The following NCAPG2 variants were observed in gnomAD, a reference collection of about 807,000 sequenced individuals.
NCAPG2 encodes condensin-2 complex subunit G2.
A neutral mutation model predicts 141.1 loss-of-function variants in NCAPG2; 53 were observed. The observed-to-expected ratio is 0.38, with a 90% confidence interval of 0.30 to 0.47. NCAPG2 has a LOEUF of 0.47. Ranked by LOEUF, NCAPG2 falls within the 20% of genes least tolerant of loss-of-function variation. The pLI is 0.99. For missense variants in NCAPG2, 1,087 were observed against 1,389.0 expected, an observed-to-expected ratio of 0.78 and a Z score of 3.46; for synonymous variants, 499 against 490.7, an observed-to-expected ratio of 1.02 and a Z score of -0.22.
At chr7:158,687,315 C>T in intron 7 of NCAPG2, 33 bp downstream of exon 7, 2 of 1,478,106 alleles carry the variant, frequency 1.4e-6, no homozygotes, top group Non-Finnish European at 1.9e-6. Flanking sequence ...CAGATTAAGA[C>T]AGCACAAAAT....
chr7:158,656,667 C>T lies in NCAPG2; in HGVS notation c.2099G>A (p.Gly700Asp), dbSNP rs1832001340. 6.2e-7 allele frequency: 1 copy of T among 1,614,094 alleles called. No homozygotes were observed. Among genetic ancestry groups the T allele is most frequent in the Non-Finnish European group, 8.5e-7 (1 of 1,180,036 alleles). The change falls in exon 18 of 28, where the codon GGC becomes GAC. Residue 700 changes from glycine to aspartate, a missense_variant. Transcript: ENST00000356309. ...AGTGCAGTAGCTCTTGTCCACAGCGCCCTCCTCCCGGCTTCTCAGCGTGGA... is the reference window on the plus strand; with the variant it reads ...AGTGCAGTAGCTCTTGTCCACAGCGTCCTCCTCCCGGCTTCTCAGCGTGGA... Reference protein sequence around the residue: ...VISTLRSREEGAVDKSYCTLL... With the variant: ...VISTLRSREEDAVDKSYCTLL...
At chr7:158,679,808 C>A (rs1834333120) in intron 11 of NCAPG2, 152 bp downstream of exon 11, 2 of 984,846 alleles carry the variant, frequency 2.0e-6, no homozygotes, top group Non-Finnish European at 2.9e-6. Context: ...GAAGTGGCAT[C>A]TCTCTGAAGA....
chr7:158,696,625 T>A (rs966061387), intron 2 of NCAPG2: 1 of 152,368 alleles, frequency 6.6e-6, no homozygotes, highest in South Asian at 2.1e-4. Flanking sequence ...AACCTGGACG[T>A]AGGGTATTCA....
At chr7:158,651,039 A>T in intron 23 of NCAPG2, 67 bp from the exon 24 acceptor site, 1 of 1,456,430 alleles carries the variant, frequency 6.9e-7, no homozygotes, top group South Asian at 1.4e-5. Context: ...ACAAAAAAAC[A>T]CTTTAAAATA....
chr7:158,684,952 G>C (rs942489900), intron 8 of NCAPG2, among the ~76,000 whole-genome samples: 35 of 152,184 alleles, frequency 2.3e-4, no homozygotes, highest in African/African-American at 8.4e-4. Context: ...CCCAGACATG[G>C]GGCAGCCTCT....
At chr7:158,670,553 C>T (rs1833621415) in intron 13 of NCAPG2, among the ~76,000 whole-genome samples, 3 of 152,074 alleles carry the variant, frequency 2.0e-5, no homozygotes, top group South Asian at 4.1e-4. Flanking sequence ...CCCTGTCTCC[C>T]CCTCACCTCA....
At chr7:158,653,038 G>A (rs901496794) in intron 22 of NCAPG2, among the ~76,000 whole-genome samples, 1 of 152,176 alleles carries the variant, frequency 6.6e-6, no homozygotes, top group African/African-American at 2.4e-5. Flanking sequence ...TTAAGCTTAA[G>A]TATAAAATGC....
In NCAPG2 at chr7:158,675,642, A is replaced by G. The variant is rs780027426; in HGVS notation, c.1161T>C (p.Asp387=). 6.2e-7 allele frequency: 1 copy of G among 1,610,678 alleles called. No homozygotes were observed. Among genetic ancestry groups the G allele is most frequent in the Admixed American group, 1.7e-5 (1 of 58,810 alleles). The change falls in exon 12 of 28, where the codon GAT becomes GAC. Residue 387 remains aspartate, a synonymous_variant. Coordinates refer to ENST00000356309, the MANE Select transcript of NCAPG2 (RefSeq NM_017760.7). The stretch of plus-strand genomic sequence containing the variant: ...CTGTGGAACGGACCATCGGGTAAGG[A>G]TCTTCTAAAAGGCTCTATAAGTAGG... ...QFEELYSLLE[D]PYPMVRSTGI...
At chr7:158,694,795 G>A (rs530372733) in intron 2 of NCAPG2, among the ~76,000 whole-genome samples, 23 of 151,706 alleles carry the variant, frequency 1.5e-4, no homozygotes, top group African/African-American at 1.5e-4. Flanking sequence ...TCTTCTTAGC[G>A]CTCCTTCATT....
rs566324275 is a variant in NCAPG2 at position 158,677,977 on chromosome 7, AT to A, written c.1146+1982del. Among the ~76,000 whole-genome samples, 372 of 149,556 alleles carry A rather than the reference AT, an allele frequency of 2.5e-3. 3 individuals carry two copies. Among genetic ancestry groups the A allele is most frequent in the African/African-American group, 8.7e-3 (354 of 40,792 alleles). ...AGGCATGCACCACAGTGCCCAGCTGATTTTTTTTTTAATTGGTATAGATGGG... is the reference window on the plus strand; with the variant it reads ...AGGCATGCACCACAGTGCCCAGCTGATTTTTTTTTAATTGGTATAGATGGG... On this transcript the variant is annotated intron_variant, in intron 11 of 27. Coordinates refer to ENST00000356309, the MANE Select transcript of NCAPG2 (RefSeq NM_017760.7).
chr7:158,671,417 A>T, intron 13 of NCAPG2, 97 bp downstream of exon 13: 1 of 1,407,806 alleles, frequency 7.1e-7, no homozygotes, highest in Non-Finnish European at 1.0e-6. Context: ...CATATCAGTT[A>T]TCAGTTTAAA....
Position 158,633,432 on chromosome 7 carries a change from CCT to C in NCAPG2, c.3381-1717_3381-1716del, listed in dbSNP as rs1830008294. The stretch of plus-strand genomic sequence containing the variant: ...ATCACTCTGGAAGCGCCTGGGCCAC[CCT>C]CTGTGTGGTTATTTCTGCCTGTGTT... On this transcript the variant is annotated intron_variant, in intron 27 of 27. Transcript: ENST00000356309. The surrounding 1 kb of genome is among the most constrained non-coding windows in gnomAD (Gnocchi z 4.1). Among the ~76,000 whole-genome samples, 1 of 152,224 alleles carries C rather than the reference CCT, an allele frequency of 6.6e-6. No individual in the cohort carries two copies. The highest frequency in any genetic ancestry group is 2.4e-5 in the African/African-American group (1 of 41,464).
chr7:158,704,586 C>G (rs748949), intron 1 of NCAPG2, 138 bp downstream of exon 1: 3 of 152,548 alleles, frequency 2.0e-5, no homozygotes, highest in South Asian at 2.0e-4. Context: ...GCAGCACTGC[C>G]CGCACGCAGG....
intron 2 of NCAPG2, chr7:158,696,390 G>A (rs79397605): frequency 6.6e-6 from 1 of 152,350 alleles, no homozygotes; most frequent in South Asian, 2.1e-4. Context: ...TTCAAGAGGA[G>A]AGGACATAGG....
At chr7:158,660,978 C>T (rs543787184) in intron 16 of NCAPG2, among the ~76,000 whole-genome samples, 1 of 152,278 alleles carries the variant, frequency 6.6e-6, no homozygotes, top group African/African-American at 2.4e-5. Context: ...TTTTGCCTTC[C>T]GTCATGACTG....
At chr7:158,664,960 G>T in intron 13 of NCAPG2, 1 of 517,436 alleles carries the variant, frequency 1.9e-6, no homozygotes. Flanking sequence ...GTTATATAAG[G>T]CACCCAAGTA....
At chr7:158,683,244 T>C (rs1190842207) in intron 9 of NCAPG2, 56 bp downstream of exon 9, 1 of 1,340,870 alleles carries the variant, frequency 7.5e-7, no homozygotes, top group Non-Finnish European at 1.0e-6. Context: ...AAAACAATTA[T>C]CTAAAAACAA....
intron 2 of NCAPG2, among the ~76,000 whole-genome samples, chr7:158,695,852 C>T (rs1012926882): frequency 3.3e-5 from 5 of 152,248 alleles, no homozygotes; most frequent in African/African-American, 1.2e-4. Flanking sequence ...CTCCAGCCCC[C>T]GGATGCAGAA....
intron 25 of NCAPG2, 62 bp from the exon 26 acceptor site, chr7:158,645,681 A>G (rs1830958795): frequency 2.7e-6 from 4 of 1,469,688 alleles, no homozygotes; most frequent in East Asian, 4.6e-5. Context: ...ACATTATAGC[A>G]GAAGTACAGC....
Sources: allele counts gnomAD v4.1 joint callset (sites outside exome capture counted in the v4.1 genomes callset), GRCh38; gene constraint gnomAD v4.1.1; non-coding constraint Gnocchi (gnomAD v3.1); transcripts MANE v1.5; gene names NCBI Gene and HGNC (gene_info 2026-07-23, HGNC 2026-07-21).